XYLT1: variants seen among roughly 807,000 people sequenced by gnomAD.
XYLT1 encodes the protein beta-D-xylosyltransferase 1.
Under a neutral mutation model 91.3 loss-of-function variants are expected in XYLT1, and 36 were observed. The ratio of observed to expected loss-of-function variants is 0.39; its 90% CI spans 0.30 to 0.52. The LOEUF (loss-of-function observed/expected upper bound fraction) is 0.52. Among genes scored for constraint, XYLT1 ranks in the 20% least tolerant of loss-of-function variants. The pLI, the probability that XYLT1 is intolerant of heterozygous loss-of-function variation, is 0.68. For synonymous variants in XYLT1, 588 were observed against 532.0 expected (o/e 1.11, Z -1.45); for missense variants, 1,242 against 1,284.5 (o/e 0.97, Z 0.51).
At chr16:17,231,944 T>C (rs1045223237) in intron 3 of XYLT1, among the ~76,000 whole-genome samples, 3 of 151,462 alleles carry the variant, frequency 2.0e-5, no homozygotes, top group African/African-American at 7.3e-5. Context: ...CCACACTCAA[T>C]TTATAAAAAA....
At chr16:17,111,664 T>C (rs1312292850) in intron 11 of XYLT1, among the ~76,000 whole-genome samples, 1 of 152,176 alleles carries the variant, frequency 6.6e-6, no homozygotes, top group East Asian at 1.9e-4. Context: ...AGTAGATGAA[T>C]TCAAAATTTG....
chr16:17,375,363 T>C (rs1394387790), intron 1 of XYLT1, among the ~76,000 whole-genome samples: 1 of 151,988 alleles, frequency 6.6e-6, no homozygotes, highest in Non-Finnish European at 1.5e-5. Flanking sequence ...AAGAGGGACC[T>C]GGCTTTAGTG....
At chr16:17,325,552 G>T (rs1267852122) in intron 2 of XYLT1, among the ~76,000 whole-genome samples, 1 of 152,068 alleles carries the variant, frequency 6.6e-6, no homozygotes, top group African/African-American at 2.4e-5. Flanking sequence ...ATAAATAGAG[G>T]TTGAAATCAA....
At chr16:17,246,192 T>C (rs1413812855) in intron 3 of XYLT1, among the ~76,000 whole-genome samples, 1 of 152,204 alleles carries the variant, frequency 6.6e-6, no homozygotes, top group East Asian at 1.9e-4. Context: ...CTCAACTTCT[T>C]TGAATACAAA....
At chr16:17,252,154 A>T (rs1345151508) in intron 3 of XYLT1, among the ~76,000 whole-genome samples, 1 of 152,206 alleles carries the variant, frequency 6.6e-6, no homozygotes, top group African/African-American at 2.4e-5. Flanking sequence ...TGGTAATACT[A>T]ACAAGCCAAG....
At chr16:17,348,940 G>A (rs548210114) in intron 2 of XYLT1, among the ~76,000 whole-genome samples, 4 of 152,318 alleles carry the variant, frequency 2.6e-5, no homozygotes, top group African/African-American at 7.2e-5. Context: ...ATGCCTCCTC[G>A]CTGAGCCTCC....
chr16:17,411,708 C>A (rs1018922348), intron 1 of XYLT1, among the ~76,000 whole-genome samples: 5 of 152,162 alleles, frequency 3.3e-5, no homozygotes, highest in African/African-American at 4.8e-5. Context: ...TCAACAAGAG[C>A]AGTTGTGGTA....
chr16:17,148,167 C>T (rs2031186356), intron 6 of XYLT1, among the ~76,000 whole-genome samples: 1 of 152,226 alleles, frequency 6.6e-6, no homozygotes, highest in African/African-American at 2.4e-5. Flanking sequence ...CCTGAATCAG[C>T]TGCAAAGTGT....
chr16:17,347,692 G>A (rs530377112), intron 2 of XYLT1, among the ~76,000 whole-genome samples: 54 of 152,362 alleles, frequency 3.5e-4, no homozygotes, highest in African/African-American at 1.2e-3. Flanking sequence ...AGATGACAGT[G>A]ACTCCCCATG....
chr16:17,333,301 T>C (rs778289947), intron 2 of XYLT1, among the ~76,000 whole-genome samples: 8 of 152,202 alleles, frequency 5.3e-5, no homozygotes, highest in Non-Finnish European at 1.0e-4. Flanking sequence ...ATGTGATCCA[T>C]ATGGAAAAAG....
intron 1 of XYLT1, among the ~76,000 whole-genome samples, chr16:17,402,227 C>T (rs2035978710): frequency 2.0e-5 from 3 of 151,322 alleles, no homozygotes; most frequent in South Asian, 4.2e-4. Context: ...GACTGAGGCA[C>T]AAGGGTCCCT....
At chr16:17,227,545 G>T (rs1228441257) in intron 3 of XYLT1, 1 of 152,286 alleles carries the variant, frequency 6.6e-6, no homozygotes, top group Non-Finnish European at 1.5e-5. Flanking sequence ...ATCCTGCCTT[G>T]CAGGACGCAA....
chr16:17,148,854 G>A (rs1453544765), intron 6 of XYLT1, among the ~76,000 whole-genome samples: 1 of 152,188 alleles, frequency 6.6e-6, no homozygotes, highest in Non-Finnish European at 1.5e-5. Flanking sequence ...AAAAGAGAAG[G>A]GCTTATTGTT....
Position 17,221,566 on chromosome 16 carries a change from C to T in XYLT1, c.914-20912G>A, listed in dbSNP as rs549293377. 5.3e-5 allele frequency among the ~76,000 whole-genome samples: 8 copies of T among 152,232 alleles called. No homozygotes were observed. The East Asian group carries it at 9.7e-4, about 18-fold the overall frequency. On this transcript the variant is annotated intron_variant, in intron 3 of 11. Transcript: ENST00000261381. The stretch of plus-strand genomic sequence containing the variant: ...TTCCAAAGCCATTACTCCAACCTGC[C>T]TTAAATGTATTAAGAATATGTTTTA...
At chr16:17,421,110 A>AG (rs1462765759) in intron 1 of XYLT1, among the ~76,000 whole-genome samples, 3 of 152,204 alleles carry the variant, frequency 2.0e-5, no homozygotes, top group Non-Finnish European at 4.4e-5. Context: ...GTAACCTTAC[A>AG]GCTCAATCAT....
chr16:17,115,728 C>T (rs556093893), intron 11 of XYLT1, among the ~76,000 whole-genome samples: 188 of 144,490 alleles, frequency 1.3e-3, no homozygotes, highest in Non-Finnish European at 2.1e-3. Flanking sequence ...TCAAGTGATC[C>T]GCCTGCCTTG....
At chr16:17,383,440 C>A (rs1000984339) in intron 1 of XYLT1, among the ~76,000 whole-genome samples, 1 of 152,012 alleles carries the variant, frequency 6.6e-6, no homozygotes, top group Admixed American at 6.6e-5. Flanking sequence ...ACCCATCTTC[C>A]TCACTCCACT....
intron 1 of XYLT1, among the ~76,000 whole-genome samples, chr16:17,358,904 T>G (rs12444004): frequency 2.0e-5 from 3 of 152,020 alleles, no homozygotes; most frequent in African/African-American, 7.3e-5. Flanking sequence ...TTTTTTAGGA[T>G]AGAGAAGGCC....
chr16:17,393,988 G>A (rs2035854173), intron 1 of XYLT1, among the ~76,000 whole-genome samples: 1 of 151,966 alleles, frequency 6.6e-6, no homozygotes, highest in African/African-American at 2.4e-5. Context: ...TGTTAGCCAG[G>A]ATGGTCTCGA....
Sources: allele counts gnomAD v4.1 joint callset (sites outside exome capture counted in the v4.1 genomes callset), GRCh38; gene constraint gnomAD v4.1.1; transcripts MANE v1.5; gene names NCBI Gene and HGNC (gene_info 2026-07-23, HGNC 2026-07-21).